ITGA6: variants seen among roughly 807,000 people sequenced by gnomAD.
ITGA6 encodes the protein integrin subunit alpha 6.
In ITGA6, 63 loss-of-function variants were observed where a neutral mutation model predicts 133.6. The observed-to-expected ratio is 0.47, with a 90% confidence interval of 0.38 to 0.58. ITGA6 has a LOEUF of 0.58. ITGA6 is among the 20% of genes least tolerant of loss of function. ITGA6 has a pLI of 0.00. For missense variants in ITGA6, 1,068 were observed against 1,309.4 expected (o/e 0.82, Z 2.85); for synonymous variants, 434 against 482.0 (o/e 0.90, Z 1.30).
intron 20 of ITGA6, 41 bp downstream of exon 20, chr2:172,489,699 T>G: frequency 2.6e-6 from 4 of 1,528,728 alleles, no homozygotes; most frequent in Non-Finnish European, 3.6e-6. Context: ...TAAATGCAAA[T>G]TAGAGAAACT....
chr2:172,450,533 A>G (rs571511245), intron 1 of ITGA6, among the ~76,000 whole-genome samples: 1 of 152,302 alleles, frequency 6.6e-6, no homozygotes, highest in East Asian at 1.9e-4. Context: ...GGTCAGAGTA[A>G]AATGTGGAGG....
At position 172,491,130 on chromosome 2, in the gene ITGA6, T is replaced by C; in HGVS notation, c.2778+8T>C. 1 of 1,459,498 alleles carries C rather than the reference T, an allele frequency of 6.9e-7. No individual in the cohort carries two copies. The highest frequency in any genetic ancestry group is 9.6e-7 in the Non-Finnish European group (1 of 1,039,116). 90.4% of individuals were successfully genotyped at this position (1,459,498 alleles called of 1,614,324 possible). A position where few individuals can be genotyped will look rare whatever the true frequency, so the allele number is the denominator to read the frequency against. ...AGAAAATACCAGACTCTTGTAAGTA[T>C]TTTTCAAGAGCTGTGAATATTTGAG... On this transcript the variant is annotated splice_region_variant and intron_variant, in intron 21 of 25. Transcript: ENST00000684293. The surrounding 1 kb of genome is among the most constrained non-coding windows in gnomAD (Gnocchi z 4.4).
chr2:172,481,587 C>T (rs1686441994), intron 11 of ITGA6, among the ~76,000 whole-genome samples: 3 of 152,074 alleles, frequency 2.0e-5, no homozygotes, highest in Admixed American at 6.5e-5. Context: ...GCTCAGTTAG[C>T]CTTCATCTTT....
In ITGA6 at chr2:172,504,166, C is replaced by G. The variant is rs1273139724; in HGVS notation, c.*98C>G. On this transcript the variant is annotated 3_prime_UTR_variant, in exon 26 of 26. Transcript: ENST00000684293. ...TGCTGTAAGGATCCGGAAAGAAGAG[C>G]GAGAGATCAAAGATGAAAAGTATAT... 2 of 1,592,468 alleles carry G rather than the reference C, an allele frequency of 1.3e-6. No homozygotes were observed. The highest frequency in any genetic ancestry group is 1.7e-4 in the Middle Eastern group (1 of 6,056).
intron 1 of ITGA6, among the ~76,000 whole-genome samples, chr2:172,459,052 T>C (rs374551927): frequency 1.3e-5 from 2 of 151,568 alleles, no homozygotes; most frequent in African/African-American, 4.9e-5. Context: ...ACCTGACTAG[T>C]TAACAGAGGT....
rs1045839012 is a variant in ITGA6, at chr2:172,489,469, T to C, written c.2506-16T>C. On this transcript the variant is annotated splice_polypyrimidine_tract_variant and intron_variant, in intron 19 of 25. Coordinates refer to ENST00000684293, the MANE Select transcript of ITGA6 (RefSeq NM_000210.4). ...GAGAAGATTAGACTGAGATAATATG[T>C]ATTATTTTCTAACAGGTAATAAACT... 2 of 1,580,320 alleles carry C rather than the reference T, an allele frequency of 1.3e-6. No homozygotes were observed. The highest frequency in any genetic ancestry group is 2.7e-5 in the African/African-American group (2 of 74,178).
chr2:172,472,588 T>C (rs1685989329), intron 5 of ITGA6, among the ~76,000 whole-genome samples: 1 of 152,212 alleles, frequency 6.6e-6, no homozygotes, highest in Non-Finnish European at 1.5e-5. Flanking sequence ...AATCTGTCAC[T>C]TCAAAAGATC....
At chr2:172,435,027 A>AGTGTGTGTGTGTGTGTGTGTGT (rs72087668) in intron 1 of ITGA6, among the ~76,000 whole-genome samples, 1 of 144,068 alleles carries the variant, frequency 6.9e-6, no homozygotes, top group African/African-American at 2.6e-5. Flanking sequence ...GGTGGTTTTA[A>AGTGTGTGTGTGTGTGTGTGTGT]GTGTGTGTGT....
chr2:172,486,166 ACT>A (rs1375940858), intron 13 of ITGA6, among the ~76,000 whole-genome samples: 1 of 112,360 alleles, frequency 8.9e-6, no homozygotes, highest in Non-Finnish European at 1.7e-5. Flanking sequence ...AAAGAGTAAG[ACT>A]CTATCTCCAA....
intron 19 of ITGA6, among the ~76,000 whole-genome samples, chr2:172,488,860 A>AGGT (rs536767078): frequency 2.0e-3 from 297 of 152,256 alleles, no homozygotes; most frequent in African/African-American, 6.1e-3. Flanking sequence ...CAGCTGGGGC[A>AGGT]GGTGGTGGTG....
At chr2:172,492,842 C>A (rs1375353384) in intron 23 of ITGA6, among the ~76,000 whole-genome samples, 1 of 152,204 alleles carries the variant, frequency 6.6e-6, no homozygotes, top group Admixed American at 6.5e-5. Context: ...GGGAGCCTCC[C>A]TAATCATTCT....
At chr2:172,434,199 T>C (rs1291100709) in intron 1 of ITGA6, among the ~76,000 whole-genome samples, 2 of 152,218 alleles carry the variant, frequency 1.3e-5, no homozygotes, top group African/African-American at 4.8e-5. Context: ...TGGGCAAATA[T>C]GGAAGTAGTG....
At chr2:172,453,539 T>C (rs2149020436) in intron 1 of ITGA6, among the ~76,000 whole-genome samples, 1 of 152,246 alleles carries the variant, frequency 6.6e-6, no homozygotes, top group South Asian at 2.1e-4. Flanking sequence ...AATCACAGTA[T>C]ACATGGAATA....
At chr2:172,490,971 T>C in intron 20 of ITGA6, 53 bp from the exon 21 acceptor site, 1 of 916,556 alleles carries the variant, frequency 1.1e-6, no homozygotes, top group Non-Finnish European at 1.8e-6. Context: ...GCTTGTATGG[T>C]AATGACAAAG....
intron 23 of ITGA6, among the ~76,000 whole-genome samples, chr2:172,496,969 G>T (rs747456993): frequency 3.9e-5 from 6 of 152,152 alleles, no homozygotes; most frequent in Non-Finnish European, 8.8e-5. Context: ...CCTCTGAGTG[G>T]GTCCAGGGTC....
chr2:172,473,818 G>C (rs745971131), intron 5 of ITGA6, among the ~76,000 whole-genome samples: 3 of 152,134 alleles, frequency 2.0e-5, no homozygotes, highest in Admixed American at 1.3e-4. Flanking sequence ...ATACATAGGT[G>C]CTTTTAGTTA....
chr2:172,451,391 G>C (rs1290392264), intron 1 of ITGA6, among the ~76,000 whole-genome samples: 3 of 151,494 alleles, frequency 2.0e-5, no homozygotes, highest in Admixed American at 2.0e-4. Context: ...CTTGATCCCA[G>C]GAGGCAGAGG....
chr2:172,455,021 C>T (rs1029396075), intron 1 of ITGA6, among the ~76,000 whole-genome samples: 7 of 152,090 alleles, frequency 4.6e-5, no homozygotes, highest in Non-Finnish European at 1.5e-5. Flanking sequence ...CTGGAAAGGG[C>T]AAGGAAACAG....
intron 1 of ITGA6, among the ~76,000 whole-genome samples, chr2:172,460,628 G>A (rs12477594): frequency 0.077 from 11,726 of 152,164 alleles, 1,310 homozygotes; most frequent in East Asian, 0.51. Flanking sequence ...GATGAGTTTG[G>A]AATCTGTTGC....
Sources: allele counts gnomAD v4.1 joint callset (sites outside exome capture counted in the v4.1 genomes callset), GRCh38; gene constraint gnomAD v4.1.1; non-coding constraint Gnocchi (gnomAD v3.1); transcripts MANE v1.5; gene names NCBI Gene and HGNC (gene_info 2026-07-23, HGNC 2026-07-21).